PDGFC: variants seen among roughly 807,000 people sequenced by gnomAD.
The protein encoded by PDGFC is platelet-derived growth factor C.
PDGFC carries 12 observed loss-of-function variants against 35.5 expected under a neutral mutation model. That is an observed-to-expected ratio of 0.34 (90% CI 0.22 to 0.55). The LOEUF (loss-of-function observed/expected upper bound fraction) is 0.55. Ranked by LOEUF, PDGFC falls within the 20% of genes least tolerant of loss-of-function variation. The pLI is 0.91. For synonymous variants in PDGFC, 159 were observed against 148.8 expected, an observed-to-expected ratio of 1.07 and a Z score of -0.50; for missense variants, 322 against 412.4, an observed-to-expected ratio of 0.78 and a Z score of 1.90.
intron 1 of PDGFC, among the ~76,000 whole-genome samples, chr4:156,942,711 T>C (rs1211653396): frequency 6.8e-6 from 1 of 147,160 alleles, no homozygotes; most frequent in Middle Eastern, 3.3e-3. Context: ...ATTATAATAT[T>C]ATTATATTGT....
chr4:156,806,457 A>C (rs1196305710), intron 3 of PDGFC, among the ~76,000 whole-genome samples: 2 of 152,204 alleles, frequency 1.3e-5, no homozygotes, highest in East Asian at 1.9e-4. Flanking sequence ...CATTAAAACC[A>C]TTTAAGAAAA....
chr4:156,928,803 C>T (rs1199254552), intron 1 of PDGFC, among the ~76,000 whole-genome samples: 1 of 152,130 alleles, frequency 6.6e-6, no homozygotes, highest in Non-Finnish European at 1.5e-5. Context: ...GAAAACATTG[C>T]TTACAAGAGA....
chr4:156,970,829 G>A lies in PDGFC; in HGVS notation c.75C>T (p.Asn25=), dbSNP rs776813280. The change falls in exon 1 of 6, where the codon AAC becomes AAT. Residue 25 remains asparagine (N), a synonymous_variant. Coordinates refer to ENST00000502773, the MANE Select transcript of PDGFC (RefSeq NM_016205.3). ...GQRQGTQAES[N]LSSKFQFSSN... is the part of the protein sequence containing the mutation. ...TGGAAAACTGGAATTTACTACTCAG[G>A]TTGGATTCCGCCTGAGTCCCCTGTC... is the stretch of plus-strand genomic sequence containing the variant. 12 of 1,613,844 alleles carry A rather than the reference G, an allele frequency of 7.4e-6. No homozygotes were observed. The highest frequency in any genetic ancestry group is 6.6e-5 in the South Asian group (6 of 91,064).
chr4:156,875,811 A>T (rs1730102581), intron 1 of PDGFC, among the ~76,000 whole-genome samples: 1 of 152,110 alleles, frequency 6.6e-6, no homozygotes, highest in Non-Finnish European at 1.5e-5. Context: ...TGAACCTGGG[A>T]GGCAGAGGCT....
intron 1 of PDGFC, among the ~76,000 whole-genome samples, chr4:156,884,995 A>T (rs77205006): frequency 0.058 from 8,787 of 152,272 alleles, 364 homozygotes; most frequent in Middle Eastern, 0.11. Context: ...ACATAGGTAA[A>T]TTCCCTACTT....
intron 1 of PDGFC, among the ~76,000 whole-genome samples, chr4:156,957,208 A>C (rs1332103198): frequency 6.6e-6 from 1 of 151,968 alleles, no homozygotes; most frequent in Non-Finnish European, 1.5e-5. Flanking sequence ...CTACACATTT[A>C]ATCTTTTCCT....
At chr4:156,771,280 T>C (rs1418204159) in intron 4 of PDGFC, among the ~76,000 whole-genome samples, 1 of 152,084 alleles carries the variant, frequency 6.6e-6, no homozygotes, top group African/African-American at 2.4e-5. Flanking sequence ...AAATCAGCTG[T>C]CAAAAAACTA....
At chr4:156,764,778 C>CA (rs965694714) in intron 5 of PDGFC, among the ~76,000 whole-genome samples, 6 of 152,148 alleles carry the variant, frequency 3.9e-5, no homozygotes, top group African/African-American at 1.4e-4. Flanking sequence ...GTGTGTCAGA[C>CA]TAACTACATT....
intron 1 of PDGFC, among the ~76,000 whole-genome samples, chr4:156,883,376 A>C (rs1322660344): frequency 6.6e-6 from 1 of 152,178 alleles, no homozygotes; most frequent in African/African-American, 2.4e-5. Context: ...TGGGTACTGA[A>C]ACTAAAAATG....
intron 1 of PDGFC, among the ~76,000 whole-genome samples, chr4:156,933,997 G>A (rs1731617401): frequency 6.6e-6 from 1 of 152,134 alleles, no homozygotes; most frequent in Non-Finnish European, 1.5e-5. Flanking sequence ...ACAGCAGTGT[G>A]AAAATGAACT....
At chr4:156,860,052 G>A (rs149917919) in intron 1 of PDGFC, among the ~76,000 whole-genome samples, 10 of 152,270 alleles carry the variant, frequency 6.6e-5, no homozygotes, top group African/African-American at 1.7e-4. Flanking sequence ...TACTAAAAGA[G>A]GAGTTGAGAC....
intron 3 of PDGFC, among the ~76,000 whole-genome samples, chr4:156,783,837 G>A (rs557612331): frequency 1.3e-5 from 2 of 152,126 alleles, no homozygotes; most frequent in Non-Finnish European, 2.9e-5. Flanking sequence ...CACCATTGAG[G>A]AAAACAAATG....
At chr4:156,792,585 A>G (rs1223726403) in intron 3 of PDGFC, among the ~76,000 whole-genome samples, 1 of 152,066 alleles carries the variant, frequency 6.6e-6, no homozygotes, top group Non-Finnish European at 1.5e-5. Context: ...AAAATACACT[A>G]TCTTCAGGCA....
intron 3 of PDGFC, chr4:156,778,942 G>T (rs1054316162): frequency 7.2e-6 from 2 of 276,052 alleles, no homozygotes; most frequent in Non-Finnish European, 1.5e-5. Flanking sequence ...TTTTATTGTC[G>T]GAGTTAAAAA....
At chr4:156,860,644 G>T (rs1241821258) in intron 1 of PDGFC, among the ~76,000 whole-genome samples, 3 of 152,030 alleles carry the variant, frequency 2.0e-5, no homozygotes, top group African/African-American at 7.2e-5. Flanking sequence ...TAATTATCTT[G>T]ACAAATGTCT....
At chr4:156,951,111 A>C (rs551864503) in intron 1 of PDGFC, among the ~76,000 whole-genome samples, 2 of 151,990 alleles carry the variant, frequency 1.3e-5, no homozygotes, top group Admixed American at 1.3e-4. Context: ...AAGAGTACCT[A>C]CTGCCTGCCA....
chr4:156,789,926 G>A (rs1331664924), intron 3 of PDGFC, among the ~76,000 whole-genome samples: 1 of 139,542 alleles, frequency 7.2e-6, no homozygotes. Flanking sequence ...GCAGTGAGCC[G>A]AGATCATGCC....
intron 1 of PDGFC, among the ~76,000 whole-genome samples, chr4:156,953,221 C>T (rs1732123812): frequency 6.6e-6 from 1 of 151,888 alleles, no homozygotes; most frequent in African/African-American, 2.4e-5. Context: ...ACAAAACATT[C>T]CTCATTTTCC....
chr4:156,906,884 A>C (rs942970551), intron 1 of PDGFC, among the ~76,000 whole-genome samples: 5 of 152,212 alleles, frequency 3.3e-5, no homozygotes, highest in African/African-American at 9.6e-5. Context: ...TGGTAATAGA[A>C]GGCTGGCTTA....
Sources: allele counts gnomAD v4.1 joint callset (sites outside exome capture counted in the v4.1 genomes callset), GRCh38; gene constraint gnomAD v4.1.1; transcripts MANE v1.5; gene names NCBI Gene and HGNC (gene_info 2026-07-23, HGNC 2026-07-21).